MOB2: variants seen among roughly 807,000 people sequenced by gnomAD.
MOB2 encodes MOB kinase activator 2, also known as MOB2 Mps One Binder homolog.
In MOB2, 14 loss-of-function variants were observed where a neutral mutation model predicts 27.4. The observed-to-expected ratio is 0.51, with a 90% CI of 0.34 to 0.80. The LOEUF is 0.80. Among genes scored for constraint, MOB2 ranks in the 30% least tolerant of loss-of-function variants. MOB2 has a pLI of 0.01. For synonymous variants in MOB2, 167 were observed against 151.8 expected, an observed-to-expected ratio of 1.10 and a Z score of -0.74; for missense variants, 304 against 354.6, an observed-to-expected ratio of 0.86 and a Z score of 1.15.
At position 1,480,784 on chromosome 11, in the gene MOB2, A is replaced by AACT. The variant is rs1210371482; in HGVS notation, c.209_211dup (p.Gln70_Phe71insTer). On this transcript the variant is annotated stop_gained, in exon 2 of 5. Transcript: ENST00000329957. LOFTEE classifies it high-confidence loss of function. Reference sequence around the variant, plus strand: ...GCGGGGCAGCACCACCAGCTCCTTGAACTGGAAGTCGGTGATCCTGGCCTT... The same window carrying AACT: ...GCGGGGCAGCACCACCAGCTCCTTGAACTACTGGAAGTCGGTGATCCTGGCCTT... 1 of 1,603,452 alleles carries AACT rather than the reference A, an allele frequency of 6.2e-7. No individual in the cohort carries two copies. Among genetic ancestry groups the AACT allele is most frequent in the Non-Finnish European group, 8.5e-7 (1 of 1,175,566 alleles).
At chr11:1,484,855 G>A (rs1469727650) in intron 1 of MOB2, among the ~76,000 whole-genome samples, 1 of 152,212 alleles carries the variant, frequency 6.6e-6, no homozygotes, top group Non-Finnish European at 1.5e-5. Flanking sequence ...GCTTCAGCCA[G>A]CTGGAAGCTG....
At chr11:1,479,758 C>T (rs1301675326) in intron 3 of MOB2, among the ~76,000 whole-genome samples, 2 of 152,224 alleles carry the variant, frequency 1.3e-5, no homozygotes, top group African/African-American at 4.8e-5. Context: ...GAAAAGCTTC[C>T]GCCCTCCTCA....
chr11:1,469,935 G>T lies in MOB2; in HGVS notation c.*237C>A. On this transcript the variant is annotated 3_prime_UTR_variant, in exon 5 of 5. Coordinates refer to ENST00000329957, the MANE Select transcript of MOB2 (RefSeq NM_001172223.3). Reference sequence around the variant, plus strand: ...TCAGTCCCATGCGTGTCTGCTGAACGAGTGAATGGGCCCAAAGGCTCTTCT... The same window carrying T: ...TCAGTCCCATGCGTGTCTGCTGAACTAGTGAATGGGCCCAAAGGCTCTTCT... 1 of 951,802 alleles carries T rather than the reference G, an allele frequency of 1.1e-6. No individual in the cohort carries two copies. The highest frequency in any genetic ancestry group is 1.6e-6 in the Non-Finnish European group (1 of 614,700). The allele number at this position is 951,802 out of a possible 1,614,324, so 59.0% of individuals were successfully genotyped here. A position where few individuals can be genotyped will look rare whatever the true frequency, so the allele number is the denominator to read the frequency against.
intron 1 of MOB2, among the ~76,000 whole-genome samples, chr11:1,485,249 A>T (rs1405823399): frequency 6.6e-6 from 1 of 152,168 alleles, no homozygotes; most frequent in East Asian, 1.9e-4. Context: ...TCTCCTGTGG[A>T]GCTGCCTTCG....
rs550021000 is a variant in MOB2, at chr11:1,469,714, C to G, written c.*458G>C. 1 of 459,874 alleles carries G rather than the reference C, an allele frequency of 2.2e-6. No individual in the cohort carries two copies. Among genetic ancestry groups the G allele is most frequent in the East Asian group, 6.9e-5 (1 of 14,536 alleles). The allele number at this position is 459,874 out of a possible 1,614,324, so 28.5% of individuals were successfully genotyped here. ...CAACAGCCAAGACTCCTGGCGAGGC[C>G]GGGAGAGGAGGGGTGAGAGGGAAGG... On this transcript the variant is annotated 3_prime_UTR_variant, in exon 5 of 5. Transcript: ENST00000329957.
chr11:1,469,510 G>A lies in MOB2; in HGVS notation c.*662C>T, dbSNP rs928386753. ...GTGAACAGATGAACTAAGGTAAGCG[G>A]GTCTCAGCCTTCCGCTGGTGCAGCA... is the stretch of plus-strand genomic sequence containing the variant. On this transcript the variant is annotated 3_prime_UTR_variant, in exon 5 of 5. Coordinates refer to ENST00000329957, the MANE Select transcript of MOB2 (RefSeq NM_001172223.3). The A allele has an allele frequency of 2.9e-5, 13 of 454,974 alleles. No homozygotes were observed. The East Asian group carries it at 9.1e-4, about 32-fold the overall frequency. The allele number at this position is 454,974 out of a possible 1,614,324, so 28.2% of individuals were successfully genotyped here.
chr11:1,476,365 C>T (rs1847852374), intron 3 of MOB2, among the ~76,000 whole-genome samples: 1 of 152,186 alleles, frequency 6.6e-6, no homozygotes, highest in Non-Finnish European at 1.5e-5. Flanking sequence ...TAACCCAAGC[C>T]ATAGAATTCA....
chr11:1,482,929 G>A (rs1044651828), intron 1 of MOB2, among the ~76,000 whole-genome samples: 2 of 152,118 alleles, frequency 1.3e-5, no homozygotes. Flanking sequence ...GGCTCTCAGC[G>A]AAGGCCCAGG....
At position 1,486,715 on chromosome 11, in the gene MOB2, C is replaced by T; in HGVS notation, c.-159G>A. ...CCCCTTTCCAGAGGCAAGGGCTGGC[C>T]AAGGCTGGTGAAACGAGGGAGCGTC... On this transcript the variant is annotated 5_prime_UTR_variant, in exon 1 of 5. Transcript: ENST00000329957. 2 of 594,684 alleles carry T rather than the reference C, an allele frequency of 3.4e-6. No homozygotes were observed. The highest frequency in any genetic ancestry group is 6.0e-6 in the Non-Finnish European group (2 of 334,196). 36.8% of individuals were successfully genotyped at this position (594,684 alleles called of 1,614,324 possible).
At chr11:1,475,733 G>A (rs1847845960) in intron 3 of MOB2, among the ~76,000 whole-genome samples, 1 of 152,180 alleles carries the variant, frequency 6.6e-6, no homozygotes, top group South Asian at 2.1e-4. Context: ...ACAGATCCAA[G>A]TACTCAACAC....
rs1332632206 is a variant in MOB2 at position 1,469,717 on chromosome 11, G to A, written c.*455C>T. ...CAGCCAAGACTCCTGGCGAGGCCGG[G>A]AGAGGAGGGGTGAGAGGGAAGGAGG... On this transcript the variant is annotated 3_prime_UTR_variant, in exon 5 of 5. Transcript: ENST00000329957. The A allele has an allele frequency of 2.2e-6, 1 of 460,614 alleles. No individual in the cohort carries two copies. The highest frequency in any genetic ancestry group is 4.4e-6 in the Non-Finnish European group (1 of 229,836). 28.5% of individuals were successfully genotyped at this position (460,614 alleles called of 1,614,324 possible).
At chr11:1,470,523 T>C (rs1477464463) in intron 4 of MOB2, 35 bp from the exon 5 acceptor site, 2 of 1,590,994 alleles carry the variant, frequency 1.3e-6, no homozygotes, top group Non-Finnish European at 1.7e-6. Flanking sequence ...GCTGCAGACA[T>C]CCCTTGGCCC....
chr11:1,480,748 A>C lies in MOB2; in HGVS notation c.248T>G (p.Leu83Arg), dbSNP rs1158281088. 6.2e-7 allele frequency: 1 copy of C among 1,607,154 alleles called. No homozygotes were observed. The highest frequency in any genetic ancestry group is 1.3e-5 in the African/African-American group (1 of 74,822). Residue 83 changes from leucine (L) to arginine (R), a missense_variant, in exon 2 of 5, where the codon CTT becomes CGT. By Grantham distance (102) the Leu-to-Arg change is moderately radical. Transcript: ENST00000329957. ...ELVVLPREID[L>R]NEWLASNTTT... ...ACTGTTGCTGGCCAGCCACTCGTTA[A>C]GGTCAATCTCGCGGGGCAGCACCAC...
chr11:1,486,442 G>A lies in MOB2; in HGVS notation c.110+5C>T. The A allele has an allele frequency of 6.5e-7, 1 of 1,532,946 alleles. No homozygotes were observed. The highest frequency in any genetic ancestry group is 8.7e-7 in the Non-Finnish European group (1 of 1,144,172). 95.0% of individuals were successfully genotyped at this position (1,532,946 alleles called of 1,614,324 possible). On this transcript the variant is annotated splice_donor_5th_base_variant and intron_variant, in intron 1 of 4. Transcript: ENST00000329957. ...CCCTCCCCCAGCCAGGCTGGCAGGTGTTACCTGAGCACTTTGCTGACAGCC... is the reference window on the plus strand; with the variant it reads ...CCCTCCCCCAGCCAGGCTGGCAGGTATTACCTGAGCACTTTGCTGACAGCC...
At position 1,470,120 on chromosome 11, in the gene MOB2, A is replaced by G. The variant is rs1452365634; in HGVS notation, c.*52T>C. ...TGTGCACACGCAGATGCAGGAGAGA[A>G]CACACACCACCGTCTCTTTGCACAC... On this transcript the variant is annotated 3_prime_UTR_variant, in exon 5 of 5. Transcript: ENST00000329957. The G allele has an allele frequency of 1.3e-6, 2 of 1,551,730 alleles. No homozygotes were observed. Among genetic ancestry groups the G allele is most frequent in the Admixed American group, 3.9e-5 (2 of 51,190 alleles).
At chr11:1,480,299 C>T (rs896768607) in intron 3 of MOB2, 94 bp downstream of exon 3, 32 of 1,165,906 alleles carry the variant, frequency 2.7e-5, no homozygotes, top group African/African-American at 2.6e-4. Context: ...CAGGTGAGAA[C>T]GGAATCTGAG....
intron 3 of MOB2, among the ~76,000 whole-genome samples, chr11:1,478,169 ACAGCCG>A (rs1564910043): frequency 1.7e-4 from 24 of 145,220 alleles, no homozygotes; most frequent in African/African-American, 6.8e-4. Context: ...GCCAGGCCCC[ACAGCCG>A]CCACAGCCCC....
chr11:1,484,834 A>C (rs551625185), intron 1 of MOB2, among the ~76,000 whole-genome samples: 1 of 152,130 alleles, frequency 6.6e-6, no homozygotes, highest in African/African-American at 2.4e-5. Context: ...CACAGCCTGC[A>C]CTGCCCACAG....
chr11:1,480,192 T>C (rs1036725965), intron 3 of MOB2, among the ~76,000 whole-genome samples: 3 of 152,164 alleles, frequency 2.0e-5, no homozygotes, highest in Non-Finnish European at 4.4e-5. Context: ...TGGGCCCCAC[T>C]GGGGACCTGG....
Sources: gnomAD v4.1 joint callset for allele counts (sites outside exome capture counted in the v4.1 genomes callset) on GRCh38, gnomAD v4.1.1 for gene constraint, MANE v1.5 for transcripts, NCBI Gene and HGNC (gene_info 2026-07-23, HGNC 2026-07-21) for gene names.